STK33: variants seen among roughly 807,000 people sequenced by gnomAD.
STK33 encodes serine/threonine kinase 33.
STK33 carries 52 observed loss-of-function variants against 58.0 expected under a neutral mutation model. The observed-to-expected ratio is 0.90, with a 90% CI of 0.72 to 1.13. The LOEUF (loss-of-function observed/expected upper bound fraction) is 1.13, where lower values mean the gene tolerates loss of function less well. Ranked by LOEUF, STK33 falls within the 50% of genes most tolerant of loss-of-function variation. The pLI, the probability that STK33 is intolerant of heterozygous loss-of-function variation, is 0.00. For missense variants in STK33, 630 were observed against 604.2 expected, an observed-to-expected ratio of 1.04 and a Z score of -0.45; for synonymous variants, 215 against 200.1, an observed-to-expected ratio of 1.07 and a Z score of -0.63.
rs930704094 is a variant in STK33, at chr11:8,402,559, T to TACA, written c.1345-9852_1345-9850dup. On this transcript the variant is annotated intron_variant, in intron 15 of 15. Transcript: ENST00000687296. ...GCAGCACACCAACATGGCACATGTATACATATGTAACAAACCTGCATGTTG... is the reference window on the plus strand; with the variant it reads ...GCAGCACACCAACATGGCACATGTATACAACATATGTAACAAACCTGCATGTTG... Among the ~76,000 whole-genome samples the TACA allele has an allele frequency of 3.6e-4, 55 of 152,302 alleles. No homozygotes were observed. The East Asian group carries it at 0.011, about 29-fold the overall frequency.
At chr11:8,559,881 A>T in intron 1 of STK33, among the ~76,000 whole-genome samples, 1 of 152,156 alleles carries the variant, frequency 6.6e-6, no homozygotes, top group Non-Finnish European at 1.5e-5. Context: ...GGTTGTAAAT[A>T]AGCTCATACT....
At chr11:8,523,767 G>C (rs982150789) in intron 1 of STK33, among the ~76,000 whole-genome samples, 1 of 151,126 alleles carries the variant, frequency 6.6e-6, no homozygotes, top group Non-Finnish European at 1.5e-5. Flanking sequence ...CGGCCGCCGC[G>C]TCTGGGAAGT....
At position 8,461,847 on chromosome 11, in the gene STK33, A is replaced by G; in HGVS notation, c.516T>C (p.His172=). The change falls in exon 8 of 16, where the codon CAT becomes CAC. Residue 172 remains histidine, a synonymous_variant. Transcript: ENST00000687296. ...REVNILKSVK[H]EHIIHLEQVF... is the part of the protein sequence containing the mutation. Reference sequence around the variant, plus strand: ...CTTGTTCCAGATGTATGATGTGTTCATGTTTTACACTTTTCAGAATGTTCA... The same window carrying G: ...CTTGTTCCAGATGTATGATGTGTTCGTGTTTTACACTTTTCAGAATGTTCA... 1.2e-6 allele frequency: 2 copies of G among 1,603,334 alleles called. No homozygotes were observed. Among genetic ancestry groups the G allele is most frequent in the Non-Finnish European group, 1.7e-6 (2 of 1,175,940 alleles).
chr11:8,571,545 A>G (rs1421285466), intron 1 of STK33, among the ~76,000 whole-genome samples: 2 of 152,196 alleles, frequency 1.3e-5, no homozygotes, highest in Non-Finnish European at 2.9e-5. Context: ...AAAAATGGTT[A>G]AAATGGGGCC....
At chr11:8,439,399 C>T (rs984147440) in intron 12 of STK33, among the ~76,000 whole-genome samples, 1 of 151,964 alleles carries the variant, frequency 6.6e-6, no homozygotes, top group African/African-American at 2.4e-5. Context: ...CATGTGTAAA[C>T]CTTCCTGGTT....
intron 1 of STK33, among the ~76,000 whole-genome samples, chr11:8,588,726 A>G (rs1249079659): frequency 6.6e-6 from 1 of 152,206 alleles, no homozygotes; most frequent in African/African-American, 2.4e-5. Context: ...AGGTAAAAAG[A>G]CAATCTACAA....
the STK33 span, among the ~76,000 whole-genome samples, chr11:8,345,836 G>A: frequency 7.9e-5 from 12 of 152,218 alleles, no homozygotes; most frequent in Admixed American, 7.8e-4. Flanking sequence ...GAGAAAGATG[G>A]TAGAGACCGC....
At chr11:8,431,344 T>A (rs994461257) in intron 14 of STK33, among the ~76,000 whole-genome samples, 3 of 152,072 alleles carry the variant, frequency 2.0e-5, no homozygotes, top group Non-Finnish European at 1.5e-5. Flanking sequence ...ATCAGAAAAT[T>A]TCCATCCTCT....
chr11:8,571,232 A>T (rs575257638), intron 1 of STK33, among the ~76,000 whole-genome samples: 3 of 152,352 alleles, frequency 2.0e-5, no homozygotes, highest in African/African-American at 7.2e-5. Flanking sequence ...AAGAGCTGAT[A>T]CAAGCATATG....
At chr11:8,455,179 A>G (rs1056251783) in intron 9 of STK33, among the ~76,000 whole-genome samples, 1 of 152,188 alleles carries the variant, frequency 6.6e-6, no homozygotes, top group Non-Finnish European at 1.5e-5. Context: ...CAGGTTTCCC[A>G]TATCCTTCGG....
At chr11:8,491,862 G>A (rs1237084433) in intron 1 of STK33, among the ~76,000 whole-genome samples, 1 of 152,048 alleles carries the variant, frequency 6.6e-6, no homozygotes, top group Admixed American at 6.6e-5. Flanking sequence ...CAAGTGAAGA[G>A]GAAATAAAAT....
chr11:8,526,555 A>G (rs1325095586), intron 1 of STK33, among the ~76,000 whole-genome samples: 1 of 152,150 alleles, frequency 6.6e-6, no homozygotes, highest in Non-Finnish European at 1.5e-5. Flanking sequence ...AAATACATGT[A>G]CCTGAATGTT....
chr11:8,420,191 CAAAGAGGA>C (rs1941714254), intron 14 of STK33, among the ~76,000 whole-genome samples: 1 of 152,052 alleles, frequency 6.6e-6, no homozygotes, highest in African/African-American at 2.4e-5. Context: ...TTTAGATACC[CAAAGAGGA>C]CTGAAAGCAC....
At chr11:8,414,668 T>C (rs1394134746) in intron 14 of STK33, among the ~76,000 whole-genome samples, 1 of 152,174 alleles carries the variant, frequency 6.6e-6, no homozygotes, top group Non-Finnish European at 1.5e-5. Context: ...AAATATGGAA[T>C]GCTAATAACT....
intron 1 of STK33, among the ~76,000 whole-genome samples, chr11:8,568,339 T>C (rs1957583705): frequency 6.6e-6 from 1 of 152,182 alleles, no homozygotes; most frequent in African/African-American, 2.4e-5. Context: ...CATTTACATG[T>C]ATTTACTACA....
At chr11:8,589,354 C>T (rs1346614161) in intron 1 of STK33, among the ~76,000 whole-genome samples, 1 of 152,132 alleles carries the variant, frequency 6.6e-6, no homozygotes, top group Non-Finnish European at 1.5e-5. Context: ...CTGATACATA[C>T]TACAACAGAA....
chr11:8,439,836 T>C (rs1025810341), intron 12 of STK33, among the ~76,000 whole-genome samples: 1 of 140,462 alleles, frequency 7.1e-6, no homozygotes. Flanking sequence ...TACATATATA[T>C]ATGTATTAGA....
intron 11 of STK33, 101 bp downstream of exon 11, chr11:8,452,721 A>C: frequency 9.9e-7 from 1 of 1,010,780 alleles, no homozygotes; most frequent in Non-Finnish European, 1.5e-6. Context: ...CCAGGAGGTC[A>C]AGGCTGCAGT....
chr11:8,524,742 T>TAAA (rs1953881525), intron 1 of STK33, among the ~76,000 whole-genome samples: 1 of 152,086 alleles, frequency 6.6e-6, no homozygotes, highest in Non-Finnish European at 1.5e-5. Flanking sequence ...TTCATTCACT[T>TAAA]AAAGTCAAAG....
Sources: gnomAD v4.1 joint callset for allele counts (sites outside exome capture counted in the v4.1 genomes callset) on GRCh38, gnomAD v4.1.1 for gene constraint, MANE v1.5 for transcripts, NCBI Gene and HGNC (gene_info 2026-07-23, HGNC 2026-07-21) for gene names.